Variants in IMMP2L observed in about 807,000 individuals in gnomAD.
IMMP2L encodes the protein inner mitochondrial membrane peptidase subunit 2, also known as mitochondrial inner membrane protease subunit 2.
A neutral mutation model predicts 19.3 loss-of-function variants in IMMP2L; 18 were observed. The observed-to-expected ratio is 0.93, with a 90% CI of 0.64 to 1.38. IMMP2L has a LOEUF of 1.38. Among genes scored for constraint, IMMP2L ranks in the 40% most tolerant of loss-of-function variants. The pLI is 0.00. For missense variants in IMMP2L, 233 were observed against 218.2 expected (o/e 1.07, Z -0.43); for synonymous variants, 76 against 73.0 (o/e 1.04, Z -0.21).
chr7:111,396,843 G>A (rs1338544763), intron 3 of IMMP2L, among the ~76,000 whole-genome samples: 2 of 152,002 alleles, frequency 1.3e-5, no homozygotes, highest in Non-Finnish European at 1.5e-5. Context: ...CCAGCACTTT[G>A]GGAGGCCGAG....
intron 5 of IMMP2L, among the ~76,000 whole-genome samples, chr7:110,738,405 A>T (rs1796777640): frequency 6.6e-6 from 1 of 152,218 alleles, no homozygotes; most frequent in African/African-American, 2.4e-5. Flanking sequence ...CACTTAGAGA[A>T]ATGCAAAATG....
At chr7:110,748,716 A>AT (rs1797528382) in intron 5 of IMMP2L, among the ~76,000 whole-genome samples, 1 of 152,180 alleles carries the variant, frequency 6.6e-6, no homozygotes, top group African/African-American at 2.4e-5. Flanking sequence ...CTGAAACTAG[A>AT]TCCCTTCCTT....
At chr7:110,988,591 G>A (rs1378243017) in intron 3 of IMMP2L, among the ~76,000 whole-genome samples, 9 of 152,102 alleles carry the variant, frequency 5.9e-5, no homozygotes, top group Non-Finnish European at 2.9e-5. Context: ...GTAAAAATGA[G>A]GTCATAGCAG....
intron 3 of IMMP2L, among the ~76,000 whole-genome samples, chr7:111,170,935 G>T (rs1806368873): frequency 1.3e-5 from 2 of 151,606 alleles, no homozygotes; most frequent in African/African-American, 2.4e-5. Flanking sequence ...GAAATATGAG[G>T]CTTGAGGTAT....
At chr7:111,310,342 C>T (rs1251883404) in intron 3 of IMMP2L, among the ~76,000 whole-genome samples, 1 of 151,030 alleles carries the variant, frequency 6.6e-6, no homozygotes, top group Non-Finnish European at 1.5e-5. Flanking sequence ...GTCCATGGCA[C>T]AAAAAGTATT....
chr7:110,851,496 A>G (rs1806222095), intron 5 of IMMP2L, among the ~76,000 whole-genome samples: 3 of 152,140 alleles, frequency 2.0e-5, no homozygotes, highest in African/African-American at 7.2e-5. Context: ...GCCTTTGAAG[A>G]TATGATTCTG....
chr7:111,266,885 C>A (rs1255771012), intron 3 of IMMP2L, among the ~76,000 whole-genome samples: 2 of 152,156 alleles, frequency 1.3e-5, no homozygotes, highest in Non-Finnish European at 2.9e-5. Context: ...TCTCCTATTT[C>A]TTGAATCAAG....
intron 5 of IMMP2L, among the ~76,000 whole-genome samples, chr7:110,713,912 TTTTA>T (rs1467733589): frequency 1.3e-5 from 2 of 152,168 alleles, no homozygotes. Flanking sequence ...TTTGGATGAC[TTTTA>T]TTTCTTTCTT....
chr7:111,393,667 C>T (rs1016273783), intron 3 of IMMP2L, among the ~76,000 whole-genome samples: 2 of 152,226 alleles, frequency 1.3e-5, no homozygotes, highest in African/African-American at 4.8e-5. Context: ...TCTCAATGTT[C>T]TTTTTCTGTT....
intron 1 of IMMP2L, among the ~76,000 whole-genome samples, chr7:111,560,356 G>A (rs147581438): frequency 2.6e-5 from 4 of 152,122 alleles, no homozygotes; most frequent in East Asian, 1.9e-4. Flanking sequence ...GTCTACTTTC[G>A]AATTTATTTT....
chr7:110,730,232 C>A (rs1796170644), intron 5 of IMMP2L, among the ~76,000 whole-genome samples: 1 of 151,972 alleles, frequency 6.6e-6, no homozygotes, highest in South Asian at 2.1e-4. Context: ...AGAAGAAGAC[C>A]CACCCTCAAT....
intron 3 of IMMP2L, among the ~76,000 whole-genome samples, chr7:111,148,491 T>TTAA (rs904428510): frequency 3.2e-4 from 49 of 152,158 alleles, no homozygotes; most frequent in African/African-American, 1.2e-3. Flanking sequence ...ATTACGTACA[T>TTAA]TAAAAGTGTG....
At chr7:111,179,463 G>A (rs995670154) in intron 3 of IMMP2L, among the ~76,000 whole-genome samples, 3 of 152,060 alleles carry the variant, frequency 2.0e-5, no homozygotes, top group Non-Finnish European at 4.4e-5. Context: ...ATCCAGTGTG[G>A]CCTAGGGAAA....
At chr7:110,677,093 A>G (rs955416363) in intron 5 of IMMP2L, among the ~76,000 whole-genome samples, 1 of 152,238 alleles carries the variant, frequency 6.6e-6, no homozygotes, top group Non-Finnish European at 1.5e-5. Context: ...CACATGAACA[A>G]TAACAACCAT....
At chr7:111,139,876 C>T (rs917778847) in intron 3 of IMMP2L, among the ~76,000 whole-genome samples, 8 of 152,152 alleles carry the variant, frequency 5.3e-5, no homozygotes, top group African/African-American at 1.4e-4. Flanking sequence ...AATTCTTTCT[C>T]TGACAAGATT....
chr7:111,461,659 T>C (rs1403955859), intron 3 of IMMP2L, among the ~76,000 whole-genome samples: 1 of 152,148 alleles, frequency 6.6e-6, no homozygotes, highest in Non-Finnish European at 1.5e-5. Context: ...TTTCACTTTA[T>C]TCTGGAGACT....
At chr7:111,529,486 C>T (rs975454753) in intron 1 of IMMP2L, among the ~76,000 whole-genome samples, 2 of 152,004 alleles carry the variant, frequency 1.3e-5, no homozygotes, top group Non-Finnish European at 2.9e-5. Context: ...AACATGAATA[C>T]CAGTATCAAA....
chr7:110,950,357 A>C (rs1196850125), intron 4 of IMMP2L, among the ~76,000 whole-genome samples: 2 of 152,004 alleles, frequency 1.3e-5, no homozygotes, highest in African/African-American at 4.8e-5. Flanking sequence ...TGTTGTAATT[A>C]CTGTAGCTTT....
At chr7:110,908,896 C>T (rs1228983765) in intron 4 of IMMP2L, among the ~76,000 whole-genome samples, 3 of 152,170 alleles carry the variant, frequency 2.0e-5, no homozygotes, top group African/African-American at 7.2e-5. Context: ...AACCAATACA[C>T]TCTCAAGGAA....
Sources: gnomAD v4.1 joint callset for allele counts (sites outside exome capture counted in the v4.1 genomes callset) on GRCh38, gnomAD v4.1.1 for gene constraint, MANE v1.5 for transcripts, NCBI Gene and HGNC (gene_info 2026-07-23, HGNC 2026-07-21) for gene names.